The following SCN11A variants were observed in gnomAD, a reference collection of about 807,000 sequenced individuals.
The protein encoded by SCN11A is sodium channel protein type 11 subunit alpha.
A neutral mutation model predicts 162.2 loss-of-function variants in SCN11A; 122 were observed. That is an observed-to-expected ratio of 0.75 (90% CI 0.65 to 0.87). SCN11A has a LOEUF of 0.87. Ranked by LOEUF, SCN11A falls within the 40% of genes least tolerant of loss-of-function variation. SCN11A has a pLI of 0.00. For synonymous variants in SCN11A, 758 were observed against 751.5 expected, an observed-to-expected ratio of 1.01 and a Z score of -0.14; for missense variants, 2,015 against 2,181.6, an observed-to-expected ratio of 0.92 and a Z score of 1.52.
At chr3:39,029,941 AGAT>A (rs2031705285) in intron 2 of SCN11A, among the ~76,000 whole-genome samples, 1 of 152,226 alleles carries the variant, frequency 6.6e-6, no homozygotes, top group Admixed American at 6.5e-5. Flanking sequence ...TTCTGTGGCA[AGAT>A]GATTTGTTCA....
chr3:38,944,714 A>G (rs1308320292), intron 7 of SCN11A, among the ~76,000 whole-genome samples: 6 of 151,640 alleles, frequency 4.0e-5, no homozygotes, highest in African/African-American at 1.5e-4. Context: ...TAATCCCAAC[A>G]CTTTGGGAGG....
At chr3:38,867,607 G>T in intron 26 of SCN11A, 149 bp from the exon 27 acceptor site, 1 of 623,380 alleles carries the variant, frequency 1.6e-6, no homozygotes, top group Non-Finnish European at 2.7e-6. Flanking sequence ...CCTGTTGGGA[G>T]CCTGTCTTTC....
intron 16 of SCN11A, among the ~76,000 whole-genome samples, chr3:38,903,425 A>C (rs59353695): frequency 0.016 from 2,424 of 152,282 alleles, 68 homozygotes; most frequent in African/African-American, 0.056. Context: ...AAAAAGTGAA[A>C]CTTCCACAGC....
At position 38,894,443 on chromosome 3, in the gene SCN11A, T is replaced by C. The variant is rs2065551957; in HGVS notation, c.2835+90A>G. ...CCACGTTTTGTACCCTTATTATCCT[T>C]GCATAGTGCCTAGAAAAGGGCAGGC... On this transcript the variant is annotated intron_variant, in intron 19 of 29. Transcript: ENST00000302328. 5.7e-6 allele frequency: 6 copies of C among 1,059,550 alleles called. 1 individual carries two copies. The Admixed American group carries it at 6.7e-5, about 12-fold the overall frequency. The allele number at this position is 1,059,550 out of a possible 1,614,324, so 65.6% of individuals were successfully genotyped here. A position where few individuals can be genotyped will look rare whatever the true frequency, so the allele number is the denominator to read the frequency against.
At chr3:38,954,754 T>C (rs116293168) in intron 3 of SCN11A, among the ~76,000 whole-genome samples, 2,421 of 152,192 alleles carry the variant, frequency 0.016, 65 homozygotes, top group African/African-American at 0.056. Flanking sequence ...TGTGGGAGGC[T>C]AAGGCAGATG....
At chr3:38,869,917 G>A (rs1190000111) in intron 26 of SCN11A, among the ~76,000 whole-genome samples, 1 of 152,010 alleles carries the variant, frequency 6.6e-6, no homozygotes, top group African/African-American at 2.4e-5. Context: ...TTCAGATAAG[G>A]GATACTCAGT....
chr3:39,042,533 G>A (rs933771199), intron 1 of SCN11A, among the ~76,000 whole-genome samples: 1 of 151,962 alleles, frequency 6.6e-6, no homozygotes, highest in Non-Finnish European at 1.5e-5. Flanking sequence ...AAATCATCAA[G>A]GTGAAGAGAC....
intron 23 of SCN11A, among the ~76,000 whole-genome samples, chr3:38,878,712 C>T (rs6786732): frequency 0.62 from 93,861 of 151,852 alleles, 30,417 homozygotes; most frequent in African/African-American, 0.84. Flanking sequence ...GTCTCTGAGC[C>T]TCTGGTTTTC....
intron 2 of SCN11A, among the ~76,000 whole-genome samples, chr3:39,015,742 A>G (rs1424288969): frequency 6.6e-6 from 1 of 152,118 alleles, no homozygotes; most frequent in East Asian, 1.9e-4. Flanking sequence ...AAGATGTGAC[A>G]TATATATTTT....
Position 38,950,345 on chromosome 3 carries a change from G to C in SCN11A, c.18C>G (p.Tyr6Ter). Residue 6 changes from tyrosine (Y) to a stop codon, truncating the protein, a stop_gained, in exon 5 of 30, where the codon TAC (tyrosine) becomes TAG (stop). Transcript: ENST00000302328. LOFTEE classifies it high-confidence loss of function. The part of the protein sequence containing the change: MDDRC[Y>*]PVIFPDERNF... ...TCCGCTCATCTGGAAAGATTACTGG[G>C]TAGCATCTGTCATCCATCTTCACCC... is the stretch of plus-strand genomic sequence containing the variant. 1.9e-6 allele frequency: 3 copies of C among 1,613,728 alleles called. No individual in the cohort carries two copies. The highest frequency in any genetic ancestry group is 2.5e-6 in the Non-Finnish European group (3 of 1,180,004).
chr3:39,025,424 C>T (rs957797996), intron 2 of SCN11A, among the ~76,000 whole-genome samples: 3 of 152,120 alleles, frequency 2.0e-5, no homozygotes, highest in Admixed American at 6.5e-5. Context: ...GCACAGGACG[C>T]GCAGCTGGTT....
chr3:38,956,737 T>A (rs2066686891), intron 3 of SCN11A, among the ~76,000 whole-genome samples: 2 of 152,186 alleles, frequency 1.3e-5, no homozygotes, highest in South Asian at 4.1e-4. Context: ...CAGAATTAAT[T>A]ATAATTATAG....
chr3:39,035,227 T>C (rs986375647), intron 1 of SCN11A, among the ~76,000 whole-genome samples: 2 of 152,162 alleles, frequency 1.3e-5, no homozygotes, highest in Admixed American at 6.5e-5. Context: ...AAAAACAGTA[T>C]GGTACTGACA....
At chr3:38,862,682 C>T (rs1333501851) in intron 28 of SCN11A, among the ~76,000 whole-genome samples, 1 of 151,850 alleles carries the variant, frequency 6.6e-6, no homozygotes, top group Non-Finnish European at 1.5e-5. Context: ...ATAAGTAGGA[C>T]CTAAGCTGTG....
chr3:38,933,459 G>T (rs1364573637), intron 7 of SCN11A, among the ~76,000 whole-genome samples: 5 of 152,172 alleles, frequency 3.3e-5, no homozygotes, highest in Admixed American at 2.0e-4. Context: ...CAAAGGCAAA[G>T]AAGTTGAAAA....
chr3:38,849,853 T>C (rs1226900504), intron 29 of SCN11A: 1 of 152,206 alleles, frequency 6.6e-6, no homozygotes, highest in Non-Finnish European at 1.5e-5. Flanking sequence ...ATGAGGCTGG[T>C]TGGTAAGCGG....
intron 28 of SCN11A, among the ~76,000 whole-genome samples, chr3:38,860,209 G>C (rs7625111): frequency 6.6e-6 from 1 of 151,994 alleles, no homozygotes; most frequent in Non-Finnish European, 1.5e-5. Flanking sequence ...CTGAATGCTC[G>C]GGGAGACTGA....
rs1218303415 is a variant in SCN11A, at chr3:38,880,013, T to C, written c.3330A>G (p.Val1110=). ...IFILEMVLKW[V]AFGFGKYFTS... is the part of the protein sequence containing the mutation. The stretch of plus-strand genomic sequence containing the variant: ...TGAAATACTTTCCAAATCCGAAGGC[T>C]ACCCATTTTAGTACCATCTCCAGGA... Residue 1110 remains valine, a synonymous_variant, in exon 23 of 30, where the codon GTA becomes GTG. Transcript: ENST00000302328. 1.9e-6 allele frequency: 3 copies of C among 1,612,784 alleles called. No individual in the cohort carries two copies. The highest frequency in any genetic ancestry group is 3.3e-5 in the Admixed American group (2 of 59,864).
At chr3:38,982,851 T>C (rs1293862821) in intron 2 of SCN11A, among the ~76,000 whole-genome samples, 2 of 152,132 alleles carry the variant, frequency 1.3e-5, no homozygotes, top group Non-Finnish European at 2.9e-5. Flanking sequence ...GGGGAGACCA[T>C]TTTGGGCCTT....
Sources: gnomAD v4.1 joint callset for allele counts (sites outside exome capture counted in the v4.1 genomes callset) on GRCh38, gnomAD v4.1.1 for gene constraint, MANE v1.5 for transcripts, NCBI Gene and HGNC (gene_info 2026-07-23, HGNC 2026-07-21) for gene names.